Variants in NEDD4 observed in about 807,000 individuals in gnomAD.
NEDD4 encodes the protein E3 ubiquitin-protein ligase NEDD4.
In NEDD4, 99 loss-of-function variants were observed where a neutral mutation model predicts 144.9. The ratio of observed to expected loss-of-function variants is 0.68; its 90% CI spans 0.58 to 0.81. The LOEUF (loss-of-function observed/expected upper bound fraction) is 0.81. NEDD4 is among the 30% of genes least tolerant of loss of function. NEDD4 has a pLI of 0.00. For synonymous variants in NEDD4, 318 were observed against 350.6 expected, an observed-to-expected ratio of 0.91 and a Z score of 1.04; for missense variants, 985 against 1,065.9, an observed-to-expected ratio of 0.92 and a Z score of 1.06.
chr15:55,829,775 A>C lies in NEDD4; in HGVS notation c.*122T>G. The C allele has an allele frequency of 1.6e-6, 1 of 619,786 alleles. No individual in the cohort carries two copies. Among genetic ancestry groups the C allele is most frequent in the South Asian group, 2.1e-5 (1 of 46,814 alleles). The allele number at this position is 619,786 out of a possible 1,614,324, so 38.4% of individuals were successfully genotyped here. ...TATTTCTTCAAATGCTTTTTATATG[A>C]TTTTCTTCAAGATCTGGGAAGACTC... is the stretch of plus-strand genomic sequence containing the variant. On this transcript the variant is annotated 3_prime_UTR_variant, in exon 29 of 29. Transcript: ENST00000435532.
At chr15:55,912,785 A>C (rs1479886260) in intron 5 of NEDD4, among the ~76,000 whole-genome samples, 2 of 152,192 alleles carry the variant, frequency 1.3e-5, no homozygotes, top group Non-Finnish European at 2.9e-5. Flanking sequence ...TTATTTTCAG[A>C]TCAAAAGTCA....
chr15:55,916,616 T>A (rs191914819), intron 5 of NEDD4: 10 of 1,613,938 alleles, frequency 6.2e-6, no homozygotes, highest in Non-Finnish European at 8.5e-6. Flanking sequence ...AGGGAACAGA[T>A]GATCTTTCTT....
chr15:55,981,098 G>A (rs1469332644), intron 1 of NEDD4, among the ~76,000 whole-genome samples: 2 of 151,122 alleles, frequency 1.3e-5, no homozygotes, highest in Non-Finnish European at 2.9e-5. Flanking sequence ...GAGTGCAGTG[G>A]TATGATCTCG....
chr15:55,956,245 C>T (rs1236425808), intron 2 of NEDD4, among the ~76,000 whole-genome samples: 1 of 152,110 alleles, frequency 6.6e-6, no homozygotes, highest in South Asian at 2.1e-4. Flanking sequence ...TCTAAAGATA[C>T]TTTTTCCCAA....
intron 5 of NEDD4, among the ~76,000 whole-genome samples, chr15:55,899,696 G>A (rs1427276142): frequency 6.6e-6 from 1 of 152,170 alleles, no homozygotes; most frequent in African/African-American, 2.4e-5. Flanking sequence ...ATGTCTTGCA[G>A]CTTGAGACCT....
chr15:55,919,035 A>AC (rs2036520478), intron 5 of NEDD4, among the ~76,000 whole-genome samples: 1 of 152,182 alleles, frequency 6.6e-6, no homozygotes, highest in South Asian at 2.1e-4. Flanking sequence ...TTAACATATA[A>AC]AATAATGAAC....
intron 5 of NEDD4, among the ~76,000 whole-genome samples, chr15:55,887,200 C>T (rs906109528): frequency 6.6e-6 from 1 of 151,618 alleles, no homozygotes; most frequent in African/African-American, 2.4e-5. Context: ...AAAAGACCAA[C>T]AAAAAGAAGT....
At chr15:55,839,079 A>C (rs1312488970) in intron 21 of NEDD4, among the ~76,000 whole-genome samples, 1 of 149,238 alleles carries the variant, frequency 6.7e-6, no homozygotes, top group Admixed American at 6.7e-5. Flanking sequence ...CTTAGGTTGG[A>C]GTGCAGTGGG....
chr15:55,864,049 CA>C (rs2034501349), intron 8 of NEDD4, among the ~76,000 whole-genome samples: 1 of 152,032 alleles, frequency 6.6e-6, no homozygotes, highest in African/African-American at 2.4e-5. Context: ...CAGAGATTAA[CA>C]AGGGGCAAAA....
At chr15:55,885,164 TA>T (rs1469663104) in intron 5 of NEDD4, among the ~76,000 whole-genome samples, 1 of 152,086 alleles carries the variant, frequency 6.6e-6, no homozygotes, top group African/African-American at 2.4e-5. Context: ...AGTGCTGAAG[TA>T]AAAAAAGTTT....
intron 5 of NEDD4, among the ~76,000 whole-genome samples, chr15:55,877,297 T>C (rs1236697540): frequency 6.6e-6 from 1 of 152,236 alleles, no homozygotes; most frequent in Non-Finnish European, 1.5e-5. Flanking sequence ...TTGTCTTTCA[T>C]AATCTTGACA....
intron 5 of NEDD4, among the ~76,000 whole-genome samples, chr15:55,887,828 A>T (rs1292490488): frequency 6.6e-6 from 1 of 152,234 alleles, no homozygotes; most frequent in African/African-American, 2.4e-5. Flanking sequence ...ATGGTTCAAG[A>T]TATGCAAATT....
intron 5 of NEDD4, among the ~76,000 whole-genome samples, chr15:55,875,296 A>C (rs2034956085): frequency 6.6e-6 from 1 of 152,126 alleles, no homozygotes; most frequent in Non-Finnish European, 1.5e-5. Flanking sequence ...AATGAATCAA[A>C]TGCACATTTT....
chr15:55,869,215 C>A (rs2034688888), intron 8 of NEDD4, among the ~76,000 whole-genome samples: 1 of 152,134 alleles, frequency 6.6e-6, no homozygotes, highest in Non-Finnish European at 1.5e-5. Context: ...ATTAACAGGA[C>A]TTAAATTTCA....
intron 1 of NEDD4, among the ~76,000 whole-genome samples, chr15:55,971,763 T>C (rs2037615152): frequency 6.6e-6 from 1 of 152,018 alleles, no homozygotes; most frequent in Admixed American, 6.6e-5. Flanking sequence ...AGAAAGGTTA[T>C]AGAATATCAA....
intron 2 of NEDD4, among the ~76,000 whole-genome samples, chr15:55,956,134 T>G (rs2037334232): frequency 6.6e-6 from 1 of 152,074 alleles, no homozygotes; most frequent in Non-Finnish European, 1.5e-5. Context: ...TTTTTTATGT[T>G]TTTAATTTTT....
intron 18 of NEDD4, among the ~76,000 whole-genome samples, chr15:55,844,370 G>A (rs1288538142): frequency 6.6e-6 from 1 of 150,986 alleles, no homozygotes; most frequent in Non-Finnish European, 1.5e-5. Flanking sequence ...TTTTAAAGAG[G>A]AGAAACAAGA....
At chr15:55,903,621 G>A (rs546733657) in intron 5 of NEDD4, among the ~76,000 whole-genome samples, 4 of 150,832 alleles carry the variant, frequency 2.7e-5, no homozygotes, top group South Asian at 2.1e-4. Flanking sequence ...TCAGGAGATC[G>A]AGACCATCCT....
intron 1 of NEDD4, among the ~76,000 whole-genome samples, chr15:55,984,860 C>A (rs185694055): frequency 3.9e-4 from 60 of 152,290 alleles, no homozygotes; most frequent in African/African-American, 1.3e-3. Context: ...CAGAATTCAG[C>A]AGAACAATGG....
Sources: gnomAD v4.1 joint callset for allele counts (sites outside exome capture counted in the v4.1 genomes callset) on GRCh38, gnomAD v4.1.1 for gene constraint, MANE v1.5 for transcripts, NCBI Gene and HGNC (gene_info 2026-07-23, HGNC 2026-07-21) for gene names.